The following CEACAM18 variants were observed in gnomAD, a reference collection of about 807,000 sequenced individuals.
The protein encoded by CEACAM18 is cell adhesion molecule CEACAM18.
In CEACAM18, 33 loss-of-function variants were observed where a neutral mutation model predicts 34.3. The ratio of observed to expected loss-of-function variants is 0.96; its 90% CI spans 0.73 to 1.29. The LOEUF is 1.29. Ranked by LOEUF, CEACAM18 falls within the 50% of genes most tolerant of loss-of-function variation. CEACAM18 has a pLI of 0.00. For synonymous variants in CEACAM18, 169 were observed against 180.9 expected (o/e 0.93, Z 0.53); for missense variants, 474 against 485.0 (o/e 0.98, Z 0.21).
chr19:51,485,008 G>C (rs1989976473), exon 5 of CEACAM18: 2 of 1,536,162 alleles, frequency 1.3e-6, no homozygotes, highest in Non-Finnish European at 1.7e-6. Flanking sequence ...GTTGTCCACA[G>C]AGATTTCTCC....
rs1197233688 is a variant in CEACAM18 at position 51,484,900 on chromosome 19, G to A, written c.954-87G>A. The A allele has an allele frequency of 2.1e-6, 3 of 1,457,874 alleles. No homozygotes were observed. In the African/African-American group the frequency reaches 4.2e-5, roughly 20 times the overall value. The allele number at this position is 1,457,874 out of a possible 1,614,324, so 90.3% of individuals were successfully genotyped here. A position where few individuals can be genotyped will look rare whatever the true frequency, so the allele number is the denominator to read the frequency against. The stretch of plus-strand genomic sequence containing the variant: ...TAATAGATGTTGACAAATCTTTGAA[G>A]AATGGATATGTGGGTGGGTGAAGAG... On this transcript the variant is annotated intron_variant, in intron 4 of 5. Coordinates refer to ENST00000396477, the Ensembl canonical transcript of CEACAM18.
At chr19:51,490,718 T>A in exon 6 of CEACAM18, 1 of 925,200 alleles carries the variant, frequency 1.1e-6, no homozygotes, top group Non-Finnish European at 1.4e-6. Context: ...GGGTCCAGGG[T>A]CTCTTTGGAG....
chr19:51,486,486 G>C (rs144380226), intron 5 of CEACAM18, among the ~76,000 whole-genome samples: 1 of 151,926 alleles, frequency 6.6e-6, no homozygotes, highest in Non-Finnish European at 1.5e-5. Flanking sequence ...GTCAGGGACC[G>C]CATCTCCTTC....
chr19:51,485,849 A>G (rs992560724), intron 5 of CEACAM18, among the ~76,000 whole-genome samples: 1 of 152,174 alleles, frequency 6.6e-6, no homozygotes, highest in African/African-American at 2.4e-5. Context: ...GCCTTTTTCC[A>G]TTAGATGCTA....
intron 5 of CEACAM18, among the ~76,000 whole-genome samples, chr19:51,490,005 C>T (rs893275551): frequency 2.6e-5 from 4 of 152,146 alleles, no homozygotes; most frequent in Admixed American, 2.6e-4. Flanking sequence ...CTTTCAAAGG[C>T]GCCATGTTCT....
intron 4 of CEACAM18, 183 bp downstream of exon 4, chr19:51,483,479 A>T (rs1377915347): frequency 1.4e-6 from 1 of 691,004 alleles, no homozygotes; most frequent in Non-Finnish European, 2.5e-6. Flanking sequence ...AATCCTCTGG[A>T]GTCCTCAGAT....
chr19:51,484,762 CTT>C (rs1379809227), intron 4 of CEACAM18, among the ~76,000 whole-genome samples: 3 of 152,228 alleles, frequency 2.0e-5, no homozygotes, highest in Non-Finnish European at 4.4e-5. Context: ...TGAGACATCT[CTT>C]TGCTTAATTG....
intron 5 of CEACAM18, among the ~76,000 whole-genome samples, chr19:51,490,281 T>C (rs1990069168): frequency 1.3e-5 from 2 of 152,242 alleles, no homozygotes; most frequent in South Asian, 4.1e-4. Flanking sequence ...ACCTCCATCA[T>C]TGTTGTGATC....
exon 3 of CEACAM18, chr19:51,481,588 A>C: frequency 6.2e-7 from 1 of 1,614,002 alleles, no homozygotes; most frequent in Non-Finnish European, 8.5e-7. Context: ...AGCCGCTATG[A>C]CAGAACAATT....
intron 3 of CEACAM18, 111 bp from the exon 4 acceptor site, chr19:51,482,906 G>C: frequency 1.6e-6 from 2 of 1,285,668 alleles, no homozygotes; most frequent in South Asian, 1.3e-5. Context: ...GCAGGTCTAG[G>C]GGTTAGCCCG....
At chr19:51,490,042 A>G (rs375955603) in intron 5 of CEACAM18, among the ~76,000 whole-genome samples, 1 of 152,080 alleles carries the variant, frequency 6.6e-6, no homozygotes, top group South Asian at 2.1e-4. Context: ...CCCCTCCGAT[A>G]TGAGAGCAGG....
chr19:51,479,932 A>T (rs1989880230), intron 1 of CEACAM18, among the ~76,000 whole-genome samples: 1 of 152,220 alleles, frequency 6.6e-6, no homozygotes, highest in Non-Finnish European at 1.5e-5. Context: ...GATGAGTCAC[A>T]AACACCAGCT....
Position 51,485,213 on chromosome 19 carries a change from G to T in CEACAM18, c.1089+91G>T, listed in dbSNP as rs1236184085. The T allele has an allele frequency of 2.2e-5, 28 of 1,287,974 alleles. 1 individual carries two copies. The East Asian group carries it at 6.0e-4, about 27-fold the overall frequency. 79.8% of individuals were successfully genotyped at this position (1,287,974 alleles called of 1,614,324 possible). A position where few individuals can be genotyped will look rare whatever the true frequency, so the allele number is the denominator to read the frequency against. On this transcript the variant is annotated intron_variant, in intron 5 of 5. Coordinates refer to ENST00000396477, the Ensembl canonical transcript of CEACAM18. ...TCCCTCCAGAGGGGAAGCAGAGCCA[G>T]AAGGGGAGGGATAAGCCAGGAACTA... is the stretch of plus-strand genomic sequence containing the variant.
intron 5 of CEACAM18, among the ~76,000 whole-genome samples, chr19:51,485,795 G>A (rs967160728): frequency 6.6e-6 from 1 of 152,234 alleles, no homozygotes; most frequent in African/African-American, 2.4e-5. Context: ...AGAGGAGGTA[G>A]TAAGGCTGTC....
chr19:51,480,329 T>C lies in CEACAM18; in HGVS notation c.53-4T>C, dbSNP rs577230120. 1 of 1,593,964 alleles carries C rather than the reference T, an allele frequency of 6.3e-7. No individual in the cohort carries two copies. Among genetic ancestry groups the C allele is most frequent in the East Asian group, 2.3e-5 (1 of 44,382 alleles). On this transcript the variant is annotated splice_region_variant and splice_polypyrimidine_tract_variant and intron_variant, in intron 1 of 5. Transcript: ENST00000396477. Reference sequence around the variant, plus strand: ...TCTCTGTCTTTTTTCCTTGTCTTCTTCAGCCAGTCTGCTGGCCTGTGGGAT... The same window carrying C: ...TCTCTGTCTTTTTTCCTTGTCTTCTCCAGCCAGTCTGCTGGCCTGTGGGAT...
At chr19:51,488,073 C>T (rs1990034291) in intron 5 of CEACAM18, among the ~76,000 whole-genome samples, 1 of 152,150 alleles carries the variant, frequency 6.6e-6, no homozygotes, top group Non-Finnish European at 1.5e-5. Flanking sequence ...TAGAAAGAGA[C>T]AACCACTAGT....
chr19:51,478,824 G>T, intron 1 of CEACAM18, 130 bp downstream of exon 1: 2 of 614,264 alleles, frequency 3.3e-6, no homozygotes, highest in East Asian at 3.4e-5. Flanking sequence ...AGCAGGGGTC[G>T]GGGAGAGGAG....
At chr19:51,486,710 C>CTTTTTTTT (rs1327201659) in intron 5 of CEACAM18, among the ~76,000 whole-genome samples, 10 of 144,428 alleles carry the variant, frequency 6.9e-5, no homozygotes, top group African/African-American at 1.3e-4. Flanking sequence ...TTCTTTCTTT[C>CTTTTTTTT]TTTCTTTTCT....
exon 1 of CEACAM18, chr19:51,478,657 A>G: frequency 6.6e-7 from 1 of 1,522,736 alleles, no homozygotes; most frequent in Non-Finnish European, 8.8e-7. Flanking sequence ...ACCTTTCCAG[A>G]CCCAGATGGA....
Sources: gnomAD v4.1 joint callset for allele counts (sites outside exome capture counted in the v4.1 genomes callset) on GRCh38, gnomAD v4.1.1 for gene constraint, MANE v1.5 for transcripts, NCBI Gene and HGNC (gene_info 2026-07-23, HGNC 2026-07-21) for gene names.